PRKN: variants seen among roughly 807,000 people sequenced by gnomAD.
PRKN encodes parkin RBR E3 ubiquitin protein ligase.
A neutral mutation model predicts 59.5 loss-of-function variants in PRKN; 56 were observed. The ratio of observed to expected loss-of-function variants is 0.94; its 90% CI spans 0.76 to 1.18. The LOEUF is 1.18. PRKN is among the 50% of genes most tolerant of loss of function. The pLI is 0.00. For missense variants in PRKN, 657 were observed against 596.4 expected, an observed-to-expected ratio of 1.10 and a Z score of -1.06; for synonymous variants, 250 against 222.1, an observed-to-expected ratio of 1.13 and a Z score of -1.12.
intron 6 of PRKN, among the ~76,000 whole-genome samples, chr6:161,850,445 G>T (rs2128222294): frequency 6.6e-6 from 1 of 152,088 alleles, no homozygotes; most frequent in Non-Finnish European, 1.5e-5. Flanking sequence ...GGGTGTGGTG[G>T]CGCGGCTGTA....
chr6:162,387,555 CAGAG>C (rs60548327), intron 2 of PRKN, among the ~76,000 whole-genome samples: 11,659 of 94,404 alleles, frequency 0.12, 632 homozygotes, highest in East Asian at 0.17. Flanking sequence ...CACACACACA[CAGAG>C]AGAGAGAGAG....
chr6:162,013,444 C>G (rs767956148), intron 5 of PRKN, among the ~76,000 whole-genome samples: 6 of 151,414 alleles, frequency 4.0e-5, no homozygotes, highest in African/African-American at 1.5e-4. Context: ...ATGAGGAGCC[C>G]TAGTATTTTT....
chr6:161,680,561 G>T (rs1333675807), intron 7 of PRKN, among the ~76,000 whole-genome samples: 2 of 151,464 alleles, frequency 1.3e-5, no homozygotes, highest in Non-Finnish European at 2.9e-5. Context: ...TATTAAAATG[G>T]CATGTGCTAA....
At position 161,462,271 on chromosome 6, in the gene PRKN, A is replaced by G. The variant is rs958038816; in HGVS notation, c.1084-75394T>C. ...TGAATCATTTACATCTAACAATGTT[A>G]TCTAGACAGCATGCTTTTATTCTGA... On this transcript the variant is annotated intron_variant, in intron 9 of 11. Transcript: ENST00000366898. This position sits in a 1 kb window ranked among gnomAD's most constrained non-coding sequence, Gnocchi z 4.5. Among the ~76,000 whole-genome samples, 4 of 152,238 alleles carry G rather than the reference A, an allele frequency of 2.6e-5. No individual in the cohort carries two copies. Among genetic ancestry groups the G allele is most frequent in the African/African-American group, 9.6e-5 (4 of 41,468 alleles).
Position 161,445,822 on chromosome 6 carries a change from TCC to T in PRKN, c.1084-58947_1084-58946del, listed in dbSNP as rs1789462066. 2.0e-5 allele frequency among the ~76,000 whole-genome samples: 3 copies of T among 151,852 alleles called. No individual in the cohort carries two copies. The highest frequency in any genetic ancestry group is 4.2e-4 in the South Asian group (2 of 4,802). On this transcript the variant is annotated intron_variant, in intron 9 of 11. Transcript: ENST00000366898. The surrounding 1 kb of genome is among the most constrained non-coding windows in gnomAD (Gnocchi z 7.7). Reference sequence around the variant, plus strand: ...TCCCTTCCCTTCCCTTCCCTTCCCTTCCCTTCCCTTCCCTATCGACAGCCTTG... The same window carrying T: ...TCCCTTCCCTTCCCTTCCCTTCCCTTCTTCCCTTCCCTATCGACAGCCTTG...
At chr6:162,398,486 G>A (rs1787597791) in intron 2 of PRKN, among the ~76,000 whole-genome samples, 1 of 151,990 alleles carries the variant, frequency 6.6e-6, no homozygotes, top group Non-Finnish European at 1.5e-5. Flanking sequence ...TGCCTCCTGG[G>A]TGCAAGCGAT....
chr6:162,113,853 AC>A (rs1780549440), intron 4 of PRKN, among the ~76,000 whole-genome samples: 1 of 152,118 alleles, frequency 6.6e-6, no homozygotes, highest in Non-Finnish European at 1.5e-5. Context: ...TTTAGGTCTA[AC>A]GTTTAAGTCT....
At chr6:161,489,648 C>A (rs928133985) in intron 9 of PRKN, among the ~76,000 whole-genome samples, 1 of 150,126 alleles carries the variant, frequency 6.7e-6, no homozygotes, top group Admixed American at 6.7e-5. Flanking sequence ...ATACTTGGAA[C>A]TTTTTTTTTT....
intron 5 of PRKN, among the ~76,000 whole-genome samples, chr6:161,988,220 G>A (rs1324393486): frequency 6.6e-6 from 1 of 152,090 alleles, no homozygotes; most frequent in Non-Finnish European, 1.5e-5. Context: ...TCAGGGCTGG[G>A]CATGGTGGCT....
At chr6:162,207,063 G>T (rs1784978354) in intron 3 of PRKN, among the ~76,000 whole-genome samples, 1 of 152,120 alleles carries the variant, frequency 6.6e-6, no homozygotes, top group Non-Finnish European at 1.5e-5. Flanking sequence ...AGGACACCTT[G>T]CTTTGGAGCC....
chr6:161,754,467 G>A (rs1347293853), intron 7 of PRKN, among the ~76,000 whole-genome samples: 1 of 152,106 alleles, frequency 6.6e-6, no homozygotes, highest in African/African-American at 2.4e-5. Context: ...GTGGGGACAC[G>A]AGGGCCATGA....
At chr6:162,156,082 TA>T (rs67785347) in intron 4 of PRKN, among the ~76,000 whole-genome samples, 146,983 of 152,164 alleles carry the variant, frequency 0.97, 71,127 homozygotes, top group Non-Finnish European at 1. Flanking sequence ...TTGGTTAGAC[TA>T]AAATATTTTA....
At chr6:161,653,514 T>C (rs566626459) in intron 7 of PRKN, among the ~76,000 whole-genome samples, 1 of 152,260 alleles carries the variant, frequency 6.6e-6, no homozygotes, top group South Asian at 2.1e-4. Flanking sequence ...ACACACATCA[T>C]AAAATGCTCC....
rs532850158 is a variant in PRKN, at chr6:161,456,231, C to A, written c.1084-69354G>T. On this transcript the variant is annotated intron_variant, in intron 9 of 11. Coordinates refer to ENST00000366898, the MANE Select transcript of PRKN (RefSeq NM_004562.3). The surrounding 1 kb of genome is among the most constrained non-coding windows in gnomAD (Gnocchi z 4.8). ...TCAGTCAGGATGGGCGAAATTGAAT[C>A]GGCTGCCAGTGCAGCTAAGATAAAA... Among the ~76,000 whole-genome samples the A allele has an allele frequency of 6.6e-6, 1 of 152,150 alleles. No homozygotes were observed. The highest frequency in any genetic ancestry group is 2.4e-5 in the African/African-American group (1 of 41,434).
chr6:162,345,594 G>C (rs143459345), intron 2 of PRKN, among the ~76,000 whole-genome samples: 1 of 152,112 alleles, frequency 6.6e-6, no homozygotes, highest in Admixed American at 6.5e-5. Flanking sequence ...TTATTCCAAG[G>C]TTCAGCATAT....
chr6:162,396,663 A>G (rs1320663579), intron 2 of PRKN, among the ~76,000 whole-genome samples: 1 of 152,172 alleles, frequency 6.6e-6, no homozygotes, highest in Non-Finnish European at 1.5e-5. Context: ...CACTGGAACT[A>G]TTGGCACATT....
chr6:162,445,632 C>T (rs1297425824), intron 1 of PRKN, among the ~76,000 whole-genome samples: 1 of 120,686 alleles, frequency 8.3e-6, no homozygotes, highest in Non-Finnish European at 1.6e-5. Context: ...TTAGAGGTTT[C>T]AGTGAGCTAT....
intron 1 of PRKN, among the ~76,000 whole-genome samples, chr6:162,572,243 T>C (rs751236855): frequency 2.0e-5 from 3 of 152,214 alleles, no homozygotes; most frequent in Non-Finnish European, 4.4e-5. Flanking sequence ...TCCCAAATTA[T>C]TGCTTACTAT....
chr6:162,041,394 A>G (rs1244555328), intron 5 of PRKN, among the ~76,000 whole-genome samples: 1 of 152,202 alleles, frequency 6.6e-6, no homozygotes, highest in Admixed American at 6.5e-5. Flanking sequence ...CATTCTCTTC[A>G]ACATGTCTTT....
Sources: gnomAD v4.1 joint callset for allele counts (sites outside exome capture counted in the v4.1 genomes callset) on GRCh38, gnomAD v4.1.1 for gene constraint, Gnocchi (gnomAD v3.1) non-coding constraint, MANE v1.5 for transcripts, NCBI Gene and HGNC (gene_info 2026-07-23, HGNC 2026-07-21) for gene names.